Variants in CSMD3 observed in about 807,000 individuals in gnomAD.
CSMD3 encodes the protein CUB and Sushi multiple domains 3, also known as CUB and sushi domain-containing protein 3.
A neutral mutation model predicts 435.2 loss-of-function variants in CSMD3; 177 were observed. The ratio of observed to expected loss-of-function variants is 0.41; its 90% CI spans 0.36 to 0.46. The LOEUF is 0.46. Among genes scored for constraint, CSMD3 ranks in the 20% least tolerant of loss-of-function variants. CSMD3 has a pLI of 0.34. For synonymous variants in CSMD3, 1,656 were observed against 1,520.5 expected (o/e 1.09, Z -2.07); for missense variants, 4,265 against 4,504.6 (o/e 0.95, Z 1.52).
chr8:112,789,901 T>G (rs1240638855), intron 13 of CSMD3, among the ~76,000 whole-genome samples: 1 of 151,992 alleles, frequency 6.6e-6, no homozygotes, highest in East Asian at 1.9e-4. Flanking sequence ...ATGGGAATAT[T>G]GGGGAATTAC....
At chr8:112,261,755 T>C (rs946977063) in intron 61 of CSMD3, among the ~76,000 whole-genome samples, 6 of 152,062 alleles carry the variant, frequency 3.9e-5, no homozygotes, top group Admixed American at 3.3e-4. Flanking sequence ...AGTGGCTGTG[T>C]CAATTTACCC....
rs555118084 is a variant in CSMD3 at position 113,387,880 on chromosome 8, A to G, written c.178+48797T>C. On this transcript the variant is annotated intron_variant, in intron 1 of 70. Coordinates refer to ENST00000297405, the MANE Select transcript of CSMD3 (RefSeq NM_198123.2). ...ACTGTCATTTTCTCATGTTATCCCC[A>G]CATCTCATCTAAATACTCTTAATTT... 1.9e-3 allele frequency among the ~76,000 whole-genome samples: 283 copies of G among 151,834 alleles called. 7 individuals are homozygous for G. The Middle Eastern group carries it at 0.037, about 20-fold the overall frequency.
rs2130688386 is a variant in CSMD3 at position 112,292,577 on chromosome 8, C to T, written c.8748G>A (p.Gln2916=). Residue 2916 remains glutamine (Q), a synonymous_variant, in exon 55 of 71, where the codon CAG becomes CAA. Coordinates refer to ENST00000297405, the MANE Select transcript of CSMD3 (RefSeq NM_198123.2). ...LMQGPTKAQC[Q]ANRQWSHPPP... is the part of the protein sequence containing the mutation. ...GAGGATGGCTCCACTGTCTGTTGGCCTGGCACTGTGCCTTTGTTGGCCCTT... is the reference window on the plus strand; with the variant it reads ...GAGGATGGCTCCACTGTCTGTTGGCTTGGCACTGTGCCTTTGTTGGCCCTT... 7 of 1,613,830 alleles carry T rather than the reference C, an allele frequency of 4.3e-6. No individual in the cohort carries two copies. The highest frequency in any genetic ancestry group is 5.1e-6 in the Non-Finnish European group (6 of 1,179,784).
chr8:113,193,210 G>T (rs371007338), intron 3 of CSMD3, among the ~76,000 whole-genome samples: 8 of 151,092 alleles, frequency 5.3e-5, no homozygotes, highest in African/African-American at 1.7e-4. Flanking sequence ...CTTTTCAATT[G>T]TATCTGAGAC....
intron 3 of CSMD3, among the ~76,000 whole-genome samples, chr8:113,207,761 T>C (rs536920589): frequency 6.6e-6 from 1 of 152,252 alleles, no homozygotes; most frequent in East Asian, 1.9e-4. Flanking sequence ...AGATATATAC[T>C]TGATATTTAC....
At chr8:113,211,865 T>G (rs79019994) in intron 3 of CSMD3, among the ~76,000 whole-genome samples, 1,540 of 152,276 alleles carry the variant, frequency 0.01, 22 homozygotes, top group African/African-American at 0.036. Context: ...GTCTAATGTA[T>G]TAGATTTTGA....
intron 10 of CSMD3, among the ~76,000 whole-genome samples, chr8:112,897,731 T>C (rs2081992669): frequency 7.7e-6 from 1 of 130,526 alleles, no homozygotes; most frequent in African/African-American, 2.6e-5. Context: ...TGTGTGTGTG[T>C]AGGGGAAGTC....
At chr8:112,746,484 T>C (rs2077428013) in intron 13 of CSMD3, among the ~76,000 whole-genome samples, 1 of 152,174 alleles carries the variant, frequency 6.6e-6, no homozygotes, top group Admixed American at 6.5e-5. Context: ...CAGCTTGCTC[T>C]TCCAGCCTGT....
At chr8:112,684,778 C>T (rs11993017) in intron 15 of CSMD3, among the ~76,000 whole-genome samples, 1,802 of 152,164 alleles carry the variant, frequency 0.012, 38 homozygotes, top group African/African-American at 0.041. Context: ...GTTTATTAAG[C>T]TTTTACTAAG....
chr8:113,249,658 A>G (rs1402296946), intron 3 of CSMD3, among the ~76,000 whole-genome samples: 1 of 152,050 alleles, frequency 6.6e-6, no homozygotes, highest in Non-Finnish European at 1.5e-5. Flanking sequence ...TGTTGGACAG[A>G]GCATAAAAAG....
intron 4 of CSMD3, among the ~76,000 whole-genome samples, chr8:113,157,187 T>C (rs1388350166): frequency 6.6e-6 from 1 of 151,982 alleles, no homozygotes; most frequent in Admixed American, 6.6e-5. Context: ...AGTATTGGGG[T>C]TTGCTATGCT....
intron 24 of CSMD3, 143 bp downstream of exon 24, chr8:112,573,358 G>A: frequency 2.5e-6 from 2 of 784,898 alleles, no homozygotes; most frequent in Non-Finnish European, 4.3e-6. Flanking sequence ...GCTGTTGTTA[G>A]GGTCAAATAA....
intron 6 of CSMD3, among the ~76,000 whole-genome samples, chr8:112,976,936 C>T (rs188518210): frequency 9.9e-5 from 15 of 151,986 alleles, no homozygotes; most frequent in African/African-American, 2.9e-4. Flanking sequence ...TTCTAAATAT[C>T]TCATAAGCAT....
At chr8:112,552,054 C>T (rs1272763656) in intron 26 of CSMD3, among the ~76,000 whole-genome samples, 2 of 151,870 alleles carry the variant, frequency 1.3e-5, no homozygotes, top group Non-Finnish European at 2.9e-5. Flanking sequence ...GGAAATCTAA[C>T]ATGATTACAT....
chr8:112,937,703 T>A (rs2083328176), intron 9 of CSMD3, among the ~76,000 whole-genome samples: 1 of 152,102 alleles, frequency 6.6e-6, no homozygotes, highest in African/African-American at 2.4e-5. Context: ...CACCTCTTCA[T>A]ACAGAGAACA....
chr8:112,715,045 G>A (rs1016297352), intron 13 of CSMD3, among the ~76,000 whole-genome samples: 4 of 151,994 alleles, frequency 2.6e-5, no homozygotes, highest in Non-Finnish European at 5.9e-5. Context: ...AAATCCAAAA[G>A]CCAGCAGAAG....
At chr8:112,843,695 G>A (rs2080242543) in intron 11 of CSMD3, among the ~76,000 whole-genome samples, 1 of 151,574 alleles carries the variant, frequency 6.6e-6, no homozygotes, top group African/African-American at 2.4e-5. Context: ...TCAGCTAAGA[G>A]CCAAGAAAAA....
intron 1 of CSMD3, among the ~76,000 whole-genome samples, chr8:113,330,505 T>TAA (rs1235602368): frequency 6.6e-6 from 1 of 151,960 alleles, no homozygotes; most frequent in Non-Finnish European, 1.5e-5. Flanking sequence ...TCCAATTAAA[T>TAA]AACAGGTATT....
chr8:112,420,384 C>T (rs1812350214), intron 32 of CSMD3, among the ~76,000 whole-genome samples: 1 of 152,002 alleles, frequency 6.6e-6, no homozygotes, highest in Non-Finnish European at 1.5e-5. Flanking sequence ...AAAAAATAGC[C>T]ACAATATAAT....
Sources: allele counts gnomAD v4.1 joint callset (sites outside exome capture counted in the v4.1 genomes callset), GRCh38; gene constraint gnomAD v4.1.1; transcripts MANE v1.5; gene names NCBI Gene and HGNC (gene_info 2026-07-23, HGNC 2026-07-21).